Variants in SORCS3 observed in about 807,000 individuals in gnomAD.
The protein encoded by SORCS3 is VPS10 domain-containing receptor SorCS3.
In SORCS3, 57 loss-of-function variants were observed where a neutral mutation model predicts 146.3. That is an observed-to-expected ratio of 0.39 (90% confidence interval 0.31 to 0.49). SORCS3 has a LOEUF of 0.49. Ranked by LOEUF, SORCS3 falls within the 20% of genes least tolerant of loss-of-function variation. The probability of loss-of-function intolerance (pLI) is 0.92; values close to 1 mark genes in which losing one functional copy is unlikely to be tolerated. For synonymous variants in SORCS3, 653 were observed against 618.5 expected, an observed-to-expected ratio of 1.06 and a Z score of -0.83; for missense variants, 1,341 against 1,575.5, an observed-to-expected ratio of 0.85 and a Z score of 2.52.
chr10:104,979,860 T>C (rs1399426758), intron 4 of SORCS3, among the ~76,000 whole-genome samples: 5 of 152,170 alleles, frequency 3.3e-5, no homozygotes, highest in Admixed American at 1.3e-4. Context: ...AAGTAAATTA[T>C]TCAGATGTCA....
At chr10:105,252,731 G>T (rs760714312) in intron 22 of SORCS3, 44 bp from the exon 23 acceptor site, 5 of 1,612,240 alleles carry the variant, frequency 3.1e-6, no homozygotes, top group Non-Finnish European at 4.2e-6. Flanking sequence ...ATTTGGGGAG[G>T]GCTGGCTCCT....
intron 4 of SORCS3, among the ~76,000 whole-genome samples, chr10:105,031,384 A>C (rs2133696175): frequency 6.6e-6 from 1 of 152,226 alleles, no homozygotes; most frequent in Middle Eastern, 3.4e-3. Context: ...TGTTTGTTTT[A>C]CAAATGTTTA....
chr10:104,906,994 C>G (rs1049090809), intron 2 of SORCS3, among the ~76,000 whole-genome samples: 1 of 152,038 alleles, frequency 6.6e-6, no homozygotes, highest in Non-Finnish European at 1.5e-5. Flanking sequence ...CGCTTATAAA[C>G]TTAATGGAAA....
intron 3 of SORCS3, among the ~76,000 whole-genome samples, chr10:104,952,256 A>AG (rs1491089574): frequency 2.8e-4 from 3 of 10,700 alleles, no homozygotes; most frequent in South Asian, 4.9e-3. Context: ...TGAATGTTTG[A>AG]AAAAAAAAAA....
intron 1 of SORCS3, among the ~76,000 whole-genome samples, chr10:104,823,658 A>C (rs1475298621): frequency 2.0e-5 from 3 of 152,200 alleles, no homozygotes; most frequent in Admixed American, 2.0e-4. Flanking sequence ...CTCATTAGAC[A>C]TCTTCATGGT....
chr10:105,201,302 T>C (rs1289862741), intron 16 of SORCS3, 49 bp downstream of exon 16: 3 of 1,573,608 alleles, frequency 1.9e-6, no homozygotes, highest in African/African-American at 2.7e-5. Flanking sequence ...TCTTCACCTG[T>C]CTGTGGGGTG....
Position 105,078,757 on chromosome 10 carries a change from C to T in SORCS3, c.1029-11018C>T, listed in dbSNP as rs538626540. Among the ~76,000 whole-genome samples the T allele has an allele frequency of 2.6e-5, 4 of 152,210 alleles. No homozygotes were observed. In the South Asian group the frequency reaches 8.3e-4, roughly 32 times the overall value. On this transcript the variant is annotated intron_variant, in intron 5 of 26. Coordinates refer to ENST00000369701, the MANE Select transcript of SORCS3 (RefSeq NM_014978.3). ...CAATTAGTTCTCATAAAAACAATGA[C>T]AAGGGTGCCATTATTACCTCCCCAT...
chr10:105,137,833 T>A (rs1333432176), intron 7 of SORCS3, among the ~76,000 whole-genome samples: 1 of 150,058 alleles, frequency 6.7e-6, no homozygotes, highest in East Asian at 1.9e-4. Flanking sequence ...GGTTAGCAAG[T>A]ATGTTTACAT....
At chr10:104,776,710 A>G (rs2017312414) in intron 1 of SORCS3, among the ~76,000 whole-genome samples, 1 of 151,834 alleles carries the variant, frequency 6.6e-6, no homozygotes, top group Admixed American at 6.6e-5. Context: ...AGCCACCCAC[A>G]GCCTTTTCTT....
At chr10:105,107,479 T>C (rs2055830610) in intron 7 of SORCS3, among the ~76,000 whole-genome samples, 1 of 152,196 alleles carries the variant, frequency 6.6e-6, no homozygotes, top group African/African-American at 2.4e-5. Context: ...CCATAAAGTT[T>C]GCTGTAACTC....
chr10:104,753,717 C>T (rs2017014577), intron 1 of SORCS3, among the ~76,000 whole-genome samples: 1 of 152,124 alleles, frequency 6.6e-6, no homozygotes, highest in African/African-American at 2.4e-5. Context: ...AAAGGACTTC[C>T]TTATCCTCAA....
intron 1 of SORCS3, among the ~76,000 whole-genome samples, chr10:104,826,493 T>C (rs556878279): frequency 6.6e-6 from 1 of 152,356 alleles, no homozygotes; most frequent in Non-Finnish European, 1.5e-5. Flanking sequence ...ATAAATGTTA[T>C]GATTACATTA....
chr10:105,033,729 T>C (rs962207398), intron 4 of SORCS3, among the ~76,000 whole-genome samples: 1 of 152,208 alleles, frequency 6.6e-6, no homozygotes, highest in African/African-American at 2.4e-5. Flanking sequence ...ATGGTGTTTA[T>C]AGGATACTGT....
chr10:104,912,449 A>G (rs2018978742), intron 2 of SORCS3, among the ~76,000 whole-genome samples: 1 of 152,216 alleles, frequency 6.6e-6, no homozygotes, highest in African/African-American at 2.4e-5. Context: ...CCGTAATTCT[A>G]CTACAAGTGA....
rs192796301 is a variant in SORCS3 at position 104,998,352 on chromosome 10, T to C, written c.954+20859T>C. Among the ~76,000 whole-genome samples, 10 of 152,276 alleles carry C rather than the reference T, an allele frequency of 6.6e-5. No homozygotes were observed. The East Asian group carries it at 1.7e-3, about 27-fold the overall frequency. On this transcript the variant is annotated intron_variant, in intron 4 of 26. Coordinates refer to ENST00000369701, the MANE Select transcript of SORCS3 (RefSeq NM_014978.3). ...AATAATGATGGAAAGATGACAGGTG[T>C]GCTGTGAGAATCAAGCAGGAGAAAT...
intron 2 of SORCS3, among the ~76,000 whole-genome samples, chr10:104,899,720 G>T (rs1227035962): frequency 6.6e-6 from 1 of 152,166 alleles, no homozygotes; most frequent in African/African-American, 2.4e-5. Context: ...GCTCAAAATT[G>T]TTTTCTTTTA....
At chr10:104,963,416 C>T (rs1303555236) in intron 3 of SORCS3, among the ~76,000 whole-genome samples, 1 of 152,168 alleles carries the variant, frequency 6.6e-6, no homozygotes, top group Non-Finnish European at 1.5e-5. Flanking sequence ...CACAGCTGGA[C>T]ACTCTTCCCT....
chr10:104,758,270 G>A (rs138256880), intron 1 of SORCS3, among the ~76,000 whole-genome samples: 7 of 152,274 alleles, frequency 4.6e-5, no homozygotes, highest in Middle Eastern at 3.4e-3. Context: ...TCCATTTTAA[G>A]TACTTCCAGA....
At chr10:105,038,132 C>T (rs1256169732) in intron 4 of SORCS3, among the ~76,000 whole-genome samples, 5 of 152,112 alleles carry the variant, frequency 3.3e-5, no homozygotes, top group South Asian at 2.1e-4. Flanking sequence ...GAGAGGATCT[C>T]GATTGGTCTC....
Sources: gnomAD v4.1 joint callset for allele counts (sites outside exome capture counted in the v4.1 genomes callset) on GRCh38, gnomAD v4.1.1 for gene constraint, MANE v1.5 for transcripts, NCBI Gene and HGNC (gene_info 2026-07-23, HGNC 2026-07-21) for gene names.